FBXO31: variants seen among roughly 807,000 people sequenced by gnomAD.
The protein encoded by FBXO31 is F-box protein 31.
A neutral mutation model predicts 54.4 loss-of-function variants in FBXO31; 24 were observed. That is an observed-to-expected ratio of 0.44 (90% CI 0.32 to 0.62). The LOEUF is 0.62. Among genes scored for constraint, FBXO31 ranks in the 20% least tolerant of loss-of-function variants. The probability of loss-of-function intolerance (pLI) is 0.05; values close to 1 mark genes in which losing one functional copy is unlikely to be tolerated. For synonymous variants in FBXO31, 388 were observed against 335.6 expected (o/e 1.16, Z -1.71); for missense variants, 665 against 787.1 (o/e 0.84, Z 1.86).
intron 1 of FBXO31, among the ~76,000 whole-genome samples, chr16:87,373,861 C>A (rs1906708467): frequency 6.6e-6 from 1 of 152,210 alleles, no homozygotes; most frequent in Non-Finnish European, 1.5e-5. Context: ...ACATTAAACG[C>A]TGGCTTTAAA....
intron 2 of FBXO31, among the ~76,000 whole-genome samples, chr16:87,347,602 C>T (rs186263678): frequency 2.0e-5 from 3 of 150,690 alleles, no homozygotes; most frequent in Non-Finnish European, 4.4e-5. Context: ...ATGGCATGAA[C>T]CTGGGAGGTG....
At position 87,345,999 on chromosome 16, in the gene FBXO31, T is replaced by G. The variant is rs115757188; in HGVS notation, c.489+1175A>C. ...GGAATCCTGAGTGAGGGGTGGGAGG[T>G]GGAGGAGGGAAGCAGAGTGGCTGCT... On this transcript the variant is annotated intron_variant, in intron 3 of 8. Transcript: ENST00000311635. The surrounding 1 kb of genome is among the most constrained non-coding windows in gnomAD (Gnocchi z 4.9). 5.8e-3 allele frequency among the ~76,000 whole-genome samples: 851 copies of G among 145,560 alleles called. 6 individuals are homozygous for G. Among genetic ancestry groups the G allele is most frequent in the African/African-American group, 0.021 (804 of 38,964 alleles).
At chr16:87,363,270 G>A (rs1404681163) in intron 1 of FBXO31, among the ~76,000 whole-genome samples, 2 of 152,182 alleles carry the variant, frequency 1.3e-5, no homozygotes, top group Non-Finnish European at 2.9e-5. Flanking sequence ...TGTAATCCCA[G>A]CTGCTAGGGA....
intron 2 of FBXO31, among the ~76,000 whole-genome samples, chr16:87,353,219 T>C (rs1905743080): frequency 6.6e-6 from 1 of 152,184 alleles, no homozygotes; most frequent in Non-Finnish European, 1.5e-5. Context: ...CAGCCTCTCC[T>C]GCCTCTCACT....
rs975060159 is a variant in FBXO31, at chr16:87,346,674, T to A, written c.489+500A>T. Among the ~76,000 whole-genome samples, 4 of 152,228 alleles carry A rather than the reference T, an allele frequency of 2.6e-5. No homozygotes were observed. Among genetic ancestry groups the A allele is most frequent in the Non-Finnish European group, 5.9e-5 (4 of 68,038 alleles). On this transcript the variant is annotated intron_variant, in intron 3 of 8. Coordinates refer to ENST00000311635, the MANE Select transcript of FBXO31 (RefSeq NM_024735.5). The surrounding 1 kb of genome is among the most constrained non-coding windows in gnomAD (Gnocchi z 4.2). Reference sequence around the variant, plus strand: ...CACTTTCTAGCAGGGGCCAGCCACCTGCCCAGAGCTCAACAAAGTCAGAGC... The same window carrying A: ...CACTTTCTAGCAGGGGCCAGCCACCAGCCCAGAGCTCAACAAAGTCAGAGC...
intron 1 of FBXO31, among the ~76,000 whole-genome samples, chr16:87,375,687 C>A (rs1435024817): frequency 6.6e-6 from 1 of 152,052 alleles, no homozygotes; most frequent in African/African-American, 2.4e-5. Context: ...TGCCAGAGGC[C>A]GAGGGCGACA....
chr16:87,383,387 C>G lies in FBXO31; in HGVS notation c.340+18G>C. The G allele has an allele frequency of 2.6e-6, 4 of 1,512,310 alleles. No homozygotes were observed. Among genetic ancestry groups the G allele is most frequent in the Non-Finnish European group, 3.6e-6 (4 of 1,124,642 alleles). 93.7% of individuals were successfully genotyped at this position (1,512,310 alleles called of 1,614,324 possible). ...GGACCCCCCGCCCCTCCCGGCCCCG[C>G]CACCCCCGCGCGCTCACCCTCACGG... On this transcript the variant is annotated intron_variant, in intron 1 of 8. Coordinates refer to ENST00000311635, the MANE Select transcript of FBXO31 (RefSeq NM_024735.5). This position sits in a 1 kb window ranked among gnomAD's most constrained non-coding sequence, Gnocchi z 4.9.
chr16:87,381,519 C>A (rs952448423), intron 1 of FBXO31, among the ~76,000 whole-genome samples: 1 of 152,204 alleles, frequency 6.6e-6, no homozygotes, highest in Non-Finnish European at 1.5e-5. Flanking sequence ...TAAACACGAG[C>A]CTGGGCTGGG....
At position 87,346,032 on chromosome 16, in the gene FBXO31, G is replaced by A. The variant is rs1007311899; in HGVS notation, c.489+1142C>T. Among the ~76,000 whole-genome samples the A allele has an allele frequency of 1.3e-5, 2 of 152,224 alleles. No homozygotes were observed. Among genetic ancestry groups the A allele is most frequent in the African/African-American group, 2.4e-5 (1 of 41,462 alleles). On this transcript the variant is annotated intron_variant, in intron 3 of 8. Transcript: ENST00000311635. This position sits in a 1 kb window ranked among gnomAD's most constrained non-coding sequence, Gnocchi z 4.2. ...GGAAGCAGAGTGGCTGCTGAGAGGA[G>A]AAGGGGCCAAGCGAAGCGTGACTCA...
intron 1 of FBXO31, among the ~76,000 whole-genome samples, chr16:87,364,030 T>C (rs949052181): frequency 6.6e-6 from 1 of 151,932 alleles, no homozygotes; most frequent in Non-Finnish European, 1.5e-5. Flanking sequence ...GCTGGCGGGG[T>C]GAGAGCTGCG....
intron 2 of FBXO31, among the ~76,000 whole-genome samples, chr16:87,349,114 C>A (rs1905527229): frequency 6.6e-6 from 1 of 152,350 alleles, no homozygotes; most frequent in Admixed American, 6.5e-5. Context: ...CTCAAATCCA[C>A]ACTCAGCTAA....
At position 87,330,995 on chromosome 16, in the gene FBXO31, C is replaced by T. The variant is rs185446215; in HGVS notation, c.*293G>A. The T allele has an allele frequency of 9.8e-5, 33 of 337,662 alleles. No homozygotes were observed. Among genetic ancestry groups the T allele is most frequent in the Non-Finnish European group, 1.5e-4 (27 of 178,968 alleles). 20.9% of individuals were successfully genotyped at this position (337,662 alleles called of 1,614,324 possible). A position where few individuals can be genotyped will look rare whatever the true frequency, so the allele number is the denominator to read the frequency against. ...CCAGCCCAGGGTGCGGGAACCCCAC[C>T]GCTTCAATTCTCACGCGGTCCCACG... On this transcript the variant is annotated 3_prime_UTR_variant, in exon 9 of 9. Transcript: ENST00000311635.
At chr16:87,348,774 A>C (rs1230201156) in intron 2 of FBXO31, among the ~76,000 whole-genome samples, 1 of 152,188 alleles carries the variant, frequency 6.6e-6, no homozygotes, top group Non-Finnish European at 1.5e-5. Flanking sequence ...CACCCGGGAC[A>C]CCCACCAGAG....
chr16:87,376,588 G>A (rs574862350), intron 1 of FBXO31, among the ~76,000 whole-genome samples: 1 of 152,098 alleles, frequency 6.6e-6, no homozygotes, highest in Non-Finnish European at 1.5e-5. Flanking sequence ...TTATTAAATG[G>A]CAGAAAGTAT....
chr16:87,357,443 C>T (rs1905945113), intron 2 of FBXO31, among the ~76,000 whole-genome samples: 1 of 151,414 alleles, frequency 6.6e-6, no homozygotes, highest in Non-Finnish European at 1.5e-5. Context: ...GATTCCCCCA[C>T]CTCAGCCTCT....
At chr16:87,333,032 G>A (rs1208751102) in intron 8 of FBXO31, among the ~76,000 whole-genome samples, 1 of 152,202 alleles carries the variant, frequency 6.6e-6, no homozygotes, top group Non-Finnish European at 1.5e-5. Flanking sequence ...GGGCGGCTGA[G>A]GGCCTGGATT....
chr16:87,383,860 G>GC, upstream of FBXO31: 1 of 754,696 alleles, frequency 1.3e-6, no homozygotes, highest in Non-Finnish European at 1.7e-6. This position sits in a 1 kb window ranked among gnomAD's most constrained non-coding sequence, Gnocchi z 4.9. Flanking sequence ...GGAGAGCCTA[G>GC]CCCCGCCCCT....
chr16:87,342,291 G>C (rs948325553), intron 5 of FBXO31, among the ~76,000 whole-genome samples: 1 of 152,132 alleles, frequency 6.6e-6, no homozygotes, highest in African/African-American at 2.4e-5. Context: ...CTGACTTTAA[G>C]TGATCCTCTT....
At chr16:87,343,025 G>T (rs941858714) in intron 4 of FBXO31, 74 bp from the exon 5 acceptor site, 2 of 1,327,196 alleles carry the variant, frequency 1.5e-6, no homozygotes, top group Non-Finnish European at 2.1e-6. Flanking sequence ...ACCCCAGGCA[G>T]GTGGCCACGA....
Sources: gnomAD v4.1 joint callset for allele counts (sites outside exome capture counted in the v4.1 genomes callset) on GRCh38, gnomAD v4.1.1 for gene constraint, Gnocchi (gnomAD v3.1) non-coding constraint, MANE v1.5 for transcripts, NCBI Gene and HGNC (gene_info 2026-07-23, HGNC 2026-07-21) for gene names.